The following EAPP variants were observed in gnomAD, a reference collection of about 807,000 sequenced individuals.
EAPP encodes E2F associated phosphoprotein.
In EAPP, 38 loss-of-function variants were observed where a neutral mutation model predicts 34.3. The observed-to-expected ratio is 1.11, with a 90% CI of 0.85 to 1.45. EAPP has a LOEUF of 1.45. Ranked by LOEUF, EAPP falls within the 40% of genes most tolerant of loss-of-function variation. The pLI is 0.00. For synonymous variants in EAPP, 113 were observed against 117.6 expected, an observed-to-expected ratio of 0.96 and a Z score of 0.25; for missense variants, 338 against 343.7, an observed-to-expected ratio of 0.98 and a Z score of 0.13.
At chr14:34,533,362 G>A (rs1417700421) in intron 3 of EAPP, 82 bp downstream of exon 3, 2 of 1,201,150 alleles carry the variant, frequency 1.7e-6, no homozygotes, top group East Asian at 4.8e-5. Context: ...CAAACTCAGA[G>A]GGAAATCCTA....
intron 3 of EAPP, 62 bp downstream of exon 3, chr14:34,533,382 A>C (rs1184549700): frequency 7.4e-7 from 1 of 1,347,798 alleles, no homozygotes; most frequent in East Asian, 2.3e-5. Context: ...AACATCTAAT[A>C]ATTGTTAGGT....
intron 1 of EAPP, 148 bp downstream of exon 1, chr14:34,539,407 A>G (rs1880584920): frequency 1.2e-6 from 1 of 848,698 alleles, no homozygotes; most frequent in South Asian, 1.4e-5. Flanking sequence ...CCCCATCAGG[A>G]AAGCCCTTTG....
intron 1 of EAPP, 110 bp downstream of exon 1, chr14:34,539,445 G>T: frequency 8.2e-7 from 1 of 1,217,300 alleles, no homozygotes; most frequent in Non-Finnish European, 1.2e-6. Context: ...GGCACGACAG[G>T]CTCCCGAGCC....
At chr14:34,518,417 C>T (rs1471751708) in intron 5 of EAPP, among the ~76,000 whole-genome samples, 1 of 145,170 alleles carries the variant, frequency 6.9e-6, no homozygotes, top group Admixed American at 7.1e-5. Flanking sequence ...TCACTGCAAC[C>T]TTCACCTCCC....
chr14:34,519,275 C>G (rs1879835677), intron 5 of EAPP, among the ~76,000 whole-genome samples: 1 of 152,198 alleles, frequency 6.6e-6, no homozygotes, highest in South Asian at 2.1e-4. Context: ...TGGCTCAAGC[C>G]TGTAATCCCA....
chr14:34,517,234 A>G (rs6571659), intron 5 of EAPP, among the ~76,000 whole-genome samples: 121,986 of 149,556 alleles, frequency 0.82, 49,917 homozygotes, highest in Non-Finnish European at 0.85. Flanking sequence ...CACCGCACCC[A>G]GACGATTCTA....
intron 1 of EAPP, chr14:34,539,339 C>A (rs757945429): frequency 1.9e-5 from 13 of 692,588 alleles, no homozygotes; most frequent in South Asian, 1.6e-4. Context: ...CCCGTGATTC[C>A]GGAATATCCC....
chr14:34,516,610 A>C, intron 5 of EAPP, 24 bp from the exon 6 acceptor site: 2 of 1,588,594 alleles, frequency 1.3e-6, no homozygotes, highest in Non-Finnish European at 1.7e-6. Flanking sequence ...GAAATGGAGA[A>C]TTGGGGTTTA....
chr14:34,520,825 C>G lies in EAPP; in HGVS notation c.581+3872G>C, dbSNP rs1431911090. 2.0e-5 allele frequency among the ~76,000 whole-genome samples: 3 copies of G among 151,448 alleles called. No individual in the cohort carries two copies. The East Asian group carries it at 5.8e-4, about 29-fold the overall frequency. ...CCTGGCATTTTTTTTTTTCATTCCA[C>G]TCCCTCCTGATCTGTATGCTTTCCA... On this transcript the variant is annotated intron_variant, in intron 5 of 5. Transcript: ENST00000250454.
intron 1 of EAPP, among the ~76,000 whole-genome samples, chr14:34,537,640 C>G (rs767175706): frequency 3.9e-5 from 6 of 152,222 alleles, no homozygotes; most frequent in Admixed American, 3.3e-4. Context: ...GATGTATTTA[C>G]TGTCTTCTAT....
At chr14:34,533,617 T>C in intron 2 of EAPP, 78 bp from the exon 3 acceptor site, 1 of 909,354 alleles carries the variant, frequency 1.1e-6, no homozygotes, top group Non-Finnish European at 1.7e-6. Flanking sequence ...TATTCTTCCA[T>C]CACCTCAAAA....
At chr14:34,535,280 C>A (rs1594671037) in intron 2 of EAPP, among the ~76,000 whole-genome samples, 1 of 151,938 alleles carries the variant, frequency 6.6e-6, no homozygotes, top group East Asian at 1.9e-4. Flanking sequence ...CAGGCACGTG[C>A]CACCACACCC....
Position 34,516,564 on chromosome 14 carries a change from A to G in EAPP, c.604T>C (p.Tyr202His), listed in dbSNP as rs763427468. The change falls in exon 6 of 6, where the codon TAT becomes CAT. Residue 202 changes from tyrosine to histidine, a missense_variant. By Grantham distance (83) the Tyr-to-His change is moderately conservative (BLOSUM62 2). Transcript: ENST00000250454. ...CQRHESYKTQ[Y>H]RAMFVMNCSI... ...CAATTCATTACAAACATTGCTCTAT[A>G]TTGAGTTTTGTATGATTCATGCCTA... is the stretch of plus-strand genomic sequence containing the variant. 1.2e-6 allele frequency: 2 copies of G among 1,613,162 alleles called. No homozygotes were observed. Among genetic ancestry groups the G allele is most frequent in the South Asian group, 2.2e-5 (2 of 90,912 alleles).
Position 34,533,474 on chromosome 14 carries a change from C to A in EAPP, c.322G>T (p.Asp108Tyr). 6.2e-7 allele frequency: 1 copy of A among 1,611,958 alleles called. No homozygotes were observed. Among genetic ancestry groups the A allele is most frequent in the South Asian group, 1.1e-5 (1 of 90,712 alleles). Residue 108 changes from aspartate to tyrosine, a missense_variant, in exon 3 of 6, where the codon GAT becomes TAT. Coordinates refer to ENST00000250454, the MANE Select transcript of EAPP (RefSeq NM_018453.4). ...PTRYYDDIYF[D>Y]SDSEDEDRAV... Reference sequence around the variant, plus strand: ...CTGTCTTCATCCTCGGAATCAGAATCAAAATATATATCATCGTAGTACCTT... The same window carrying A: ...CTGTCTTCATCCTCGGAATCAGAATAAAAATATATATCATCGTAGTACCTT...
At position 34,516,375 on chromosome 14, in the gene EAPP, C is replaced by CAGTGGATCATGT; in HGVS notation, c.792_793insACATGATCCACT (p.Thr264_Glu265insThrTer). ...TCATCCTTGTCGTAGACTGCCACTT[C>CAGTGGATCATGT]AGTGGAACATTCAGTGCACATGACT... On this transcript the variant is annotated stop_gained and inframe_insertion, in exon 6 of 6. Coordinates refer to ENST00000250454, the MANE Select transcript of EAPP (RefSeq NM_018453.4). LOFTEE classifies it high-confidence loss of function. 2 of 1,614,164 alleles carry CAGTGGATCATGT rather than the reference C, an allele frequency of 1.2e-6. No homozygotes were observed. The highest frequency in any genetic ancestry group is 1.7e-6 in the Non-Finnish European group (2 of 1,180,028).
intron 4 of EAPP, among the ~76,000 whole-genome samples, chr14:34,525,118 C>T (rs1174044919): frequency 6.6e-6 from 1 of 151,988 alleles, no homozygotes; most frequent in Non-Finnish European, 1.5e-5. Flanking sequence ...GTATAAATAC[C>T]CACGAATCCA....
chr14:34,534,607 TTG>T (rs1352997103), intron 2 of EAPP, among the ~76,000 whole-genome samples: 1 of 152,176 alleles, frequency 6.6e-6, no homozygotes, highest in Non-Finnish European at 1.5e-5. Context: ...TTTTGTAAGT[TTG>T]TGTGTCTTTT....
rs373289141 is a variant in EAPP at position 34,519,715 on chromosome 14, G to C, written c.582-3129C>G. Among the ~76,000 whole-genome samples, 20 of 151,594 alleles carry C rather than the reference G, an allele frequency of 1.3e-4. No individual in the cohort carries two copies. In the East Asian group the frequency reaches 1.9e-3, roughly 15 times the overall value. On this transcript the variant is annotated intron_variant, in intron 5 of 5. Coordinates refer to ENST00000250454, the MANE Select transcript of EAPP (RefSeq NM_018453.4). ...TTGCTGCTTTTTTTCTGGTTGTTTT[G>C]TAACTCTTCCCTTCCTTACTGTCTT...
intron 5 of EAPP, among the ~76,000 whole-genome samples, chr14:34,520,763 A>G (rs1360922089): frequency 6.6e-6 from 1 of 151,972 alleles, no homozygotes; most frequent in Non-Finnish European, 1.5e-5. Flanking sequence ...TCCGCCTCCC[A>G]AAGTGCTGGG....
Sources: allele counts gnomAD v4.1 joint callset (sites outside exome capture counted in the v4.1 genomes callset), GRCh38; gene constraint gnomAD v4.1.1; transcripts MANE v1.5; gene names NCBI Gene and HGNC (gene_info 2026-07-23, HGNC 2026-07-21).